NT5C2: variants seen among roughly 807,000 people sequenced by gnomAD.
NT5C2 encodes the protein 5'-nucleotidase, cytosolic II, also known as cytosolic purine 5'-nucleotidase.
A neutral mutation model predicts 76.1 loss-of-function variants in NT5C2; 58 were observed. That is an observed-to-expected ratio of 0.76 (90% confidence interval 0.62 to 0.95). The LOEUF is 0.95. Ranked by LOEUF, NT5C2 falls within the 40% of genes least tolerant of loss-of-function variation. The pLI, the probability that NT5C2 is intolerant of heterozygous loss-of-function variation, is 0.00. For missense variants in NT5C2, 478 were observed against 690.3 expected (o/e 0.69, Z 3.45); for synonymous variants, 229 against 237.4 (o/e 0.96, Z 0.32).
intron 3 of NT5C2, among the ~76,000 whole-genome samples, chr10:103,142,989 A>C: frequency 6.7e-6 from 1 of 149,772 alleles, no homozygotes; most frequent in African/African-American, 2.4e-5. Context: ...ATTCCATCAA[A>C]AAAAAAAAAA....
chr10:103,174,836 A>G (rs1287637052), intron 3 of NT5C2, 22 bp downstream of exon 3: 1 of 1,522,924 alleles, frequency 6.6e-7, no homozygotes, highest in South Asian at 1.1e-5. Flanking sequence ...GGTTTTGAGG[A>G]TTAAATAGAC....
intron 4 of NT5C2, among the ~76,000 whole-genome samples, chr10:103,117,376 T>C (rs2135564893): frequency 6.6e-6 from 1 of 152,348 alleles, no homozygotes; most frequent in South Asian, 2.1e-4. Flanking sequence ...CTGGGCGTGA[T>C]GGCTCACACT....
Position 103,123,988 on chromosome 10 carries a change from C to G in NT5C2, c.175+15418G>C, listed in dbSNP as rs531051077. On this transcript the variant is annotated intron_variant, in intron 4 of 18. Coordinates refer to ENST00000404739, the MANE Select transcript of NT5C2 (RefSeq NM_001351169.2). ...AATAAATATTAACAACTCATCCCCCCACTTTCTACCATTATGTTGCTCTAG... is the reference window on the plus strand; with the variant it reads ...AATAAATATTAACAACTCATCCCCCGACTTTCTACCATTATGTTGCTCTAG... Among the ~76,000 whole-genome samples the G allele has an allele frequency of 1.6e-4, 25 of 152,308 alleles. No homozygotes were observed. The East Asian group carries it at 3.7e-3, about 22-fold the overall frequency.
At chr10:103,104,613 A>C (rs2070714511) in intron 6 of NT5C2, among the ~76,000 whole-genome samples, 1 of 152,204 alleles carries the variant, frequency 6.6e-6, no homozygotes, top group African/African-American at 2.4e-5. Flanking sequence ...GCCTGCTCAG[A>C]TGTGTCAAGA....
intron 5 of NT5C2, 34 bp downstream of exon 5, chr10:103,106,544 GTAGTCTTAATC>G (rs752007578): frequency 2.6e-6 from 3 of 1,167,824 alleles, no homozygotes; most frequent in African/African-American, 1.5e-5. Flanking sequence ...GGTAAGGAAA[GTAGTCTTAATC>G]TAGTCTTAAT....
intron 1 of NT5C2, among the ~76,000 whole-genome samples, chr10:103,192,358 C>T (rs1351048696): frequency 1.3e-5 from 2 of 152,170 alleles, no homozygotes; most frequent in South Asian, 2.1e-4. Context: ...CATCAAGGCC[C>T]TAAAGGTGAA....
At chr10:103,170,977 T>C (rs572392395) in intron 3 of NT5C2, among the ~76,000 whole-genome samples, 47 of 152,228 alleles carry the variant, frequency 3.1e-4, no homozygotes, top group Non-Finnish European at 5.9e-4. Context: ...TAGAACTCCA[T>C]ATAACATAAT....
chr10:103,157,829 C>T (rs2083766695), intron 3 of NT5C2, among the ~76,000 whole-genome samples: 1 of 152,038 alleles, frequency 6.6e-6, no homozygotes, highest in Admixed American at 6.5e-5. Context: ...AATCCCAGCC[C>T]TCTGGGAGGC....
intron 4 of NT5C2, among the ~76,000 whole-genome samples, chr10:103,135,479 T>C (rs2079000472): frequency 6.6e-6 from 1 of 152,122 alleles, no homozygotes; most frequent in Admixed American, 6.5e-5. Flanking sequence ...TATAAGTCCA[T>C]TAAACTTCTT....
At chr10:103,193,093 T>TG (rs1294591382) in intron 1 of NT5C2, 143 bp downstream of exon 1, 2 of 136,006 alleles carry the variant, frequency 1.5e-5, no homozygotes, top group African/African-American at 5.5e-5. Flanking sequence ...AGAGGGGCCT[T>TG]GGGGCCATGG....
intron 2 of NT5C2, among the ~76,000 whole-genome samples, chr10:103,179,025 T>C (rs991568640): frequency 6.6e-5 from 10 of 150,500 alleles, no homozygotes; most frequent in African/African-American, 2.0e-4. Context: ...CTTGGCTCAC[T>C]GCAACCTCCA....
intron 3 of NT5C2, among the ~76,000 whole-genome samples, chr10:103,161,671 C>T (rs192681508): frequency 6.6e-6 from 1 of 152,042 alleles, no homozygotes; most frequent in African/African-American, 2.4e-5. Context: ...CTTCTGTGAG[C>T]TATGACTGCG....
intron 1 of NT5C2, 26 bp from the exon 2 acceptor site, chr10:103,181,354 A>AT (rs2091047481): frequency 7.7e-6 from 1 of 130,046 alleles, no homozygotes; most frequent in African/African-American, 2.8e-5. Flanking sequence ...AAAAAATAAT[A>AT]ATTCACAGGC....
rs1309670450 is a variant in NT5C2, at chr10:103,089,159, AG to A, written c.*512del. 4.4e-6 allele frequency: 1 copy of A among 226,348 alleles called. No homozygotes were observed. Among genetic ancestry groups the A allele is most frequent in the Non-Finnish European group, 8.8e-6 (1 of 113,818 alleles). The allele number at this position is 226,348 out of a possible 1,614,324, so 14.0% of individuals were successfully genotyped here. On this transcript the variant is annotated 3_prime_UTR_variant, in exon 19 of 19. Transcript: ENST00000404739. ...GCCAGAGTCACTGAGGATGAATTAAAGGCTTATAAAAGAAAACTTGACCTTA... is the reference window on the plus strand; with the variant it reads ...GCCAGAGTCACTGAGGATGAATTAAAGCTTATAAAAGAAAACTTGACCTTA...
At chr10:103,099,835 A>C in intron 9 of NT5C2, 91 bp downstream of exon 9, 2 of 792,422 alleles carry the variant, frequency 2.5e-6, no homozygotes, top group Non-Finnish European at 4.2e-6. Flanking sequence ...TTTTTTAAAA[A>C]AAGAAATATT....
At chr10:103,146,323 C>T in intron 3 of NT5C2, 1 of 985,404 alleles carries the variant, frequency 1.0e-6, no homozygotes, top group Admixed American at 6.1e-5. Flanking sequence ...TAACTCCTCC[C>T]CTTGCCTAGG....
intron 2 of NT5C2, among the ~76,000 whole-genome samples, chr10:103,177,036 G>T (rs2090111368): frequency 6.6e-6 from 1 of 151,214 alleles, no homozygotes; most frequent in Non-Finnish European, 1.5e-5. Context: ...CTTCCACCTG[G>T]TTTTACTGTA....
At chr10:103,154,547 A>C (rs1194991413) in intron 3 of NT5C2, among the ~76,000 whole-genome samples, 5 of 152,184 alleles carry the variant, frequency 3.3e-5, no homozygotes, top group African/African-American at 1.2e-4. Context: ...CAGCTCCTCC[A>C]CTTTCTGGCT....
Position 103,180,525 on chromosome 10 carries a change from A to C in NT5C2, c.-25+660T>G, listed in dbSNP as rs533481236. 4.6e-5 allele frequency among the ~76,000 whole-genome samples: 7 copies of C among 152,290 alleles called. No homozygotes were observed. In the South Asian group the frequency reaches 1.5e-3, roughly 32 times the overall value. ...GATGGGTGGATTGCTTGAACCCAGG[A>C]GTTCAAGAGCAGCCTGGGCAACATG... On this transcript the variant is annotated intron_variant, in intron 2 of 18. Coordinates refer to ENST00000404739, the MANE Select transcript of NT5C2 (RefSeq NM_001351169.2).
Sources: gnomAD v4.1 joint callset for allele counts (sites outside exome capture counted in the v4.1 genomes callset) on GRCh38, gnomAD v4.1.1 for gene constraint, MANE v1.5 for transcripts, NCBI Gene and HGNC (gene_info 2026-07-23, HGNC 2026-07-21) for gene names.